Variants in RBPJ observed in about 807,000 individuals in gnomAD.
The protein encoded by RBPJ is recombination signal binding protein for immunoglobulin kappa J region, also known as recombining binding protein suppressor of hairless.
RBPJ carries 9 observed loss-of-function variants against 67.8 expected under a neutral mutation model. The ratio of observed to expected loss-of-function variants is 0.13; its 90% CI spans 0.08 to 0.23. The LOEUF (loss-of-function observed/expected upper bound fraction) is 0.23. Ranked by LOEUF, RBPJ falls within the 10% of genes least tolerant of loss-of-function variation. RBPJ has a pLI of 1.00. For missense variants in RBPJ, 305 were observed against 595.6 expected (o/e 0.51, Z 5.08); for synonymous variants, 198 against 203.3 (o/e 0.97, Z 0.22).
intron 1 of RBPJ, among the ~76,000 whole-genome samples, chr4:26,217,481 T>A (rs1209219837): frequency 1.3e-5 from 2 of 152,068 alleles, no homozygotes; most frequent in Non-Finnish European, 2.9e-5. Flanking sequence ...TTTTATGGCC[T>A]GAGCTATTTT....
intron 1 of RBPJ, among the ~76,000 whole-genome samples, chr4:26,203,565 T>C (rs1718066236): frequency 6.6e-6 from 1 of 152,204 alleles, no homozygotes; most frequent in African/African-American, 2.4e-5. Context: ...GACTTCTCTC[T>C]ATTGTGTTCA....
At chr4:26,211,281 G>T (rs992302819) in intron 1 of RBPJ, among the ~76,000 whole-genome samples, 14 of 152,140 alleles carry the variant, frequency 9.2e-5, no homozygotes, top group African/African-American at 2.2e-4. Context: ...ATTCAAAAAT[G>T]TTAAAGATCT....
chr4:26,182,455 G>T (rs909316770), intron 1 of RBPJ, among the ~76,000 whole-genome samples: 1 of 151,758 alleles, frequency 6.6e-6, no homozygotes, highest in Admixed American at 6.6e-5. Context: ...TATTCTAAAA[G>T]CTTTTTAAAA....
upstream of RBPJ, among the ~76,000 whole-genome samples, chr4:26,316,442 TATACATTC>T (rs1231527372): frequency 1.4e-5 from 2 of 138,908 alleles, no homozygotes; most frequent in Admixed American, 7.1e-5. Context: ...TATACATTCA[TATACATTC>T]ATATATACAT....
upstream of RBPJ, chr4:26,319,979 G>T (rs1722848899): frequency 8.6e-7 from 1 of 1,165,906 alleles, no homozygotes; most frequent in East Asian, 2.5e-5. Flanking sequence ...GGATCAGGCC[G>T]CCTGAAGCGC....
chr4:26,151,983 C>T, the RBPJ span, among the ~76,000 whole-genome samples: 2 of 152,144 alleles, frequency 1.3e-5, no homozygotes, highest in Admixed American at 6.5e-5. Flanking sequence ...TGGGGTCTGA[C>T]GCCTCTTTAT....
intron 1 of RBPJ, among the ~76,000 whole-genome samples, chr4:26,341,458 AC>A (rs1725517147): frequency 6.6e-6 from 1 of 152,228 alleles, no homozygotes; most frequent in African/African-American, 2.4e-5. Flanking sequence ...TACTAAAAAT[AC>A]AAAAATTAGC....
the RBPJ span, among the ~76,000 whole-genome samples, chr4:26,140,512 C>G: frequency 6.6e-6 from 1 of 152,136 alleles, no homozygotes; most frequent in African/African-American, 2.4e-5. Context: ...GATCTCCATT[C>G]GTGGTGACAA....
At chr4:26,382,965 G>T (rs1226054634) in intron 1 of RBPJ, among the ~76,000 whole-genome samples, 1 of 152,214 alleles carries the variant, frequency 6.6e-6, no homozygotes, top group East Asian at 1.9e-4. Context: ...ATAGGAATGT[G>T]ATTGCATATG....
At chr4:26,314,772 T>C (rs181378871), upstream of RBPJ, among the ~76,000 whole-genome samples, 61 of 152,204 alleles carry the variant, frequency 4.0e-4, no homozygotes, top group African/African-American at 1.4e-3. Flanking sequence ...CAGTCTTAGG[T>C]ATTTCTTTAT....
At chr4:26,145,323 A>G in the RBPJ span, among the ~76,000 whole-genome samples, 1 of 152,190 alleles carries the variant, frequency 6.6e-6, no homozygotes, top group Non-Finnish European at 1.5e-5. Flanking sequence ...CACAACCACC[A>G]TCAGATTAAG....
At chr4:26,292,202 T>TA (rs1721693859) in intron 1 of RBPJ, among the ~76,000 whole-genome samples, 1 of 150,410 alleles carries the variant, frequency 6.6e-6, no homozygotes, top group Non-Finnish European at 1.5e-5. Flanking sequence ...TTTGTACATT[T>TA]TGACCAACAT....
chr4:26,412,565 A>T (rs552229591), intron 3 of RBPJ, among the ~76,000 whole-genome samples: 1 of 152,180 alleles, frequency 6.6e-6, no homozygotes, highest in Non-Finnish European at 1.5e-5. Flanking sequence ...TTCAACCACT[A>T]AGTATAAATG....
Position 26,244,452 on chromosome 4 carries a change from T to TATGTGTGCAC in RBPJ, c.-167+80840_-167+80841insGTGTGCACAT, listed in dbSNP as rs1560226681. Among the ~76,000 whole-genome samples, 83 of 11,044 alleles carry TATGTGTGCAC rather than the reference T, an allele frequency of 7.5e-3. 1 individual carries two copies. The highest frequency in any genetic ancestry group is 9.9e-3 in the South Asian group (3 of 304). 7.2% of individuals were successfully genotyped at this position (11,044 alleles called of 152,430 possible). Reference sequence around the variant, plus strand: ...ATATGTATACATATGTGTGTATACATATATGTGTGTATATATGTATACATA... The same window carrying TATGTGTGCAC: ...ATATGTATACATATGTGTGTATACATATGTGTGCACATATGTGTGTATATATGTATACATA... On this transcript the variant is annotated intron_variant, in intron 1 of 4. Transcript: ENST00000512351.
chr4:26,215,504 A>C (rs940646037), intron 1 of RBPJ, among the ~76,000 whole-genome samples: 2 of 152,158 alleles, frequency 1.3e-5, no homozygotes, highest in Non-Finnish European at 2.9e-5. Context: ...ATCAACTCAT[A>C]TAAAGTTTGA....
intron 1 of RBPJ, among the ~76,000 whole-genome samples, chr4:26,270,364 A>G (rs966296764): frequency 7.0e-4 from 16 of 22,724 alleles, no homozygotes; most frequent in African/African-American, 2.6e-3. Flanking sequence ...AGAGAAAGAA[A>G]GAAAGAAAGA....
chr4:26,182,783 G>A (rs1717057683), intron 1 of RBPJ, among the ~76,000 whole-genome samples: 1 of 152,032 alleles, frequency 6.6e-6, no homozygotes. Context: ...ACCGGTGTGA[G>A]CCACCACCCG....
intron 1 of RBPJ, among the ~76,000 whole-genome samples, chr4:26,365,705 G>C (rs891656957): frequency 6.6e-6 from 1 of 152,202 alleles, no homozygotes; most frequent in African/African-American, 2.4e-5. Context: ...CCTTCTGAGA[G>C]GAAGTGACCA....
In RBPJ at chr4:26,433,787, T is replaced by G. The variant is rs1232310427; in HGVS notation, c.*2780T>G. 6.6e-6 allele frequency: 1 copy of G among 152,222 alleles called. No homozygotes were observed. The highest frequency in any genetic ancestry group is 1.5e-5 in the Non-Finnish European group (1 of 68,036). 9.4% of individuals were successfully genotyped at this position (152,222 alleles called of 1,614,324 possible). On this transcript the variant is annotated 3_prime_UTR_variant, in exon 11 of 11. Transcript: ENST00000355476. ...ATGGTTTTGTGAATCATTTTCAGTATGTAATTTATAGGAACCTTGTCCTCT... is the reference window on the plus strand; with the variant it reads ...ATGGTTTTGTGAATCATTTTCAGTAGGTAATTTATAGGAACCTTGTCCTCT...
Sources: gnomAD v4.1 joint callset for allele counts (sites outside exome capture counted in the v4.1 genomes callset) on GRCh38, gnomAD v4.1.1 for gene constraint, MANE v1.5 for transcripts, NCBI Gene and HGNC (gene_info 2026-07-23, HGNC 2026-07-21) for gene names.